The following PDCL variants were observed in gnomAD, a reference collection of about 807,000 sequenced individuals.
PDCL encodes phosducin-like protein.
In PDCL, 11 loss-of-function variants were observed where a neutral mutation model predicts 26.7. The observed-to-expected ratio is 0.41, with a 90% CI of 0.26 to 0.68. The LOEUF is 0.68. Among genes scored for constraint, PDCL ranks in the 30% least tolerant of loss-of-function variants. The pLI is 0.30. For missense variants in PDCL, 330 were observed against 371.6 expected (o/e 0.89, Z 0.92); for synonymous variants, 118 against 134.9 (o/e 0.87, Z 0.87).
chr9:122,826,473 T>C (rs943997059), intron 2 of PDCL, 143 bp downstream of exon 2: 2 of 642,542 alleles, frequency 3.1e-6, no homozygotes, highest in African/African-American at 1.8e-5. Flanking sequence ...GAAGCACACA[T>C]AATGAAAAGA....
intron 2 of PDCL, among the ~76,000 whole-genome samples, chr9:122,825,257 G>A (rs1407342126): frequency 6.6e-6 from 1 of 152,050 alleles, no homozygotes; most frequent in Non-Finnish European, 1.5e-5. Flanking sequence ...TGCCTCCGGG[G>A]TTCAAGCAAT....
chr9:122,822,052 TG>T (rs1428594517), intron 3 of PDCL, among the ~76,000 whole-genome samples: 1 of 152,176 alleles, frequency 6.6e-6, no homozygotes, highest in African/African-American at 2.4e-5. Flanking sequence ...TCTGACCTAT[TG>T]AAGTCTTTGG....
chr9:122,822,509 C>T (rs926594132), intron 3 of PDCL, among the ~76,000 whole-genome samples: 6 of 151,950 alleles, frequency 3.9e-5, no homozygotes, highest in African/African-American at 1.5e-4. Context: ...GATGAAATAG[C>T]AACATCATGG....
chr9:122,825,623 A>G (rs1829614540), intron 2 of PDCL, among the ~76,000 whole-genome samples: 1 of 152,206 alleles, frequency 6.6e-6, no homozygotes, highest in Non-Finnish European at 1.5e-5. Context: ...AAGTCAAAAG[A>G]CAACAACAAA....
At position 122,820,119 on chromosome 9, in the gene PDCL, C is replaced by G; in HGVS notation, c.872G>C (p.Cys291Ser). 1 of 1,612,426 alleles carries G rather than the reference C, an allele frequency of 6.2e-7. No homozygotes were observed. Among genetic ancestry groups the G allele is most frequent in the Non-Finnish European group, 8.5e-7 (1 of 1,179,154 alleles). ...TTCCAGGTCGCTATCCTCACTGTGA[C>G]ACGTGGCAGAGTTACGCACAGATGT... Reference protein sequence around the residue: ...VLTSVRNSATCHSEDSDLEID With the variant: ...VLTSVRNSATSHSEDSDLEID Residue 291 changes from cysteine (C) to serine (S), a missense_variant, in exon 4 of 4, where the codon TGT becomes TCT. Transcript: ENST00000259467.
intron 2 of PDCL, among the ~76,000 whole-genome samples, chr9:122,824,021 C>T (rs937779060): frequency 7.9e-5 from 12 of 152,146 alleles, no homozygotes; most frequent in African/African-American, 2.4e-4. Flanking sequence ...CCGCCCGCCT[C>T]GGCCTCCCAA....
intron 3 of PDCL, among the ~76,000 whole-genome samples, chr9:122,821,001 A>G (rs1325974666): frequency 6.6e-6 from 1 of 151,880 alleles, no homozygotes; most frequent in Non-Finnish European, 1.5e-5. Context: ...CTGTCTCCAA[A>G]AAAATAAAAA....
intron 2 of PDCL, 50 bp from the exon 3 acceptor site, chr9:122,823,247 T>C (rs770128148): frequency 2.5e-6 from 4 of 1,575,730 alleles, no homozygotes; most frequent in South Asian, 2.2e-5. Context: ...CAGGGAATTA[T>C]GGACCAGCTG....
chr9:122,826,514 T>TA (rs1829630241), intron 2 of PDCL, 102 bp downstream of exon 2: 1 of 1,072,180 alleles, frequency 9.3e-7, no homozygotes, highest in Non-Finnish European at 1.3e-6. Flanking sequence ...GGACCAGAGT[T>TA]AAAAGTGATC....
At position 122,821,626 on chromosome 9, in the gene PDCL, C is replaced by T. The variant is rs552830426; in HGVS notation, c.355-990G>A. On this transcript the variant is annotated intron_variant, in intron 3 of 3. Transcript: ENST00000259467. ...TGTGTCACTTTGCTTAATCACTTCCCTAATTCTGCCAGACAGTTTCCAATT... is the reference window on the plus strand; with the variant it reads ...TGTGTCACTTTGCTTAATCACTTCCTTAATTCTGCCAGACAGTTTCCAATT... Among the ~76,000 whole-genome samples the T allele has an allele frequency of 3.3e-5, 5 of 152,184 alleles. No individual in the cohort carries two copies. In the East Asian group the frequency reaches 5.8e-4, roughly 18 times the overall value.
At chr9:122,826,212 C>T (rs1829626646) in intron 2 of PDCL, among the ~76,000 whole-genome samples, 1 of 152,154 alleles carries the variant, frequency 6.6e-6, no homozygotes, top group African/African-American at 2.4e-5. Context: ...GTCAAGTGTA[C>T]GGAGAAACAC....
chr9:122,824,834 G>A (rs1253400866), intron 2 of PDCL, among the ~76,000 whole-genome samples: 1 of 152,190 alleles, frequency 6.6e-6, no homozygotes, highest in African/African-American at 2.4e-5. Context: ...TAATTGAAGA[G>A]GGTCTAGCCT....
chr9:122,825,268 TCTC>T (rs879372254), intron 2 of PDCL, among the ~76,000 whole-genome samples: 2 of 152,050 alleles, frequency 1.3e-5, no homozygotes, highest in African/African-American at 2.4e-5. Context: ...TTCAAGCAAT[TCTC>T]CTTCCTCAGC....
chr9:122,825,263 G>A (rs148347644), intron 2 of PDCL, among the ~76,000 whole-genome samples: 1 of 151,908 alleles, frequency 6.6e-6, no homozygotes, highest in Non-Finnish European at 1.5e-5. Context: ...CGGGGTTCAA[G>A]CAATTCTCCT....
rs1421502930 is a variant in PDCL at position 122,822,617 on chromosome 9, C to G, written c.354+399G>C. 1.4e-4 allele frequency among the ~76,000 whole-genome samples: 22 copies of G among 152,146 alleles called. 1 individual carries two copies. ...CTCTAATGCCCTCTAAGCATTGCTT[C>G]CATTATCTGTAAGAAGGGGATAATA... On this transcript the variant is annotated intron_variant, in intron 3 of 3. Coordinates refer to ENST00000259467, the MANE Select transcript of PDCL (RefSeq NM_005388.5).
rs890754042 is a variant in PDCL, at chr9:122,818,775, T to C, written c.*1310A>G. On this transcript the variant is annotated 3_prime_UTR_variant, in exon 4 of 4. Coordinates refer to ENST00000259467, the MANE Select transcript of PDCL (RefSeq NM_005388.5). ...AAACGCAAATGATAATTATTATAAA[T>C]ACATAGAAAAAAAGGCTATAAAAAT... is the stretch of plus-strand genomic sequence containing the variant. 6.6e-6 allele frequency: 1 copy of C among 151,826 alleles called. No individual in the cohort carries two copies. The highest frequency in any genetic ancestry group is 2.4e-5 in the African/African-American group (1 of 41,362). 9.4% of individuals were successfully genotyped at this position (151,826 alleles called of 1,614,324 possible).
Position 122,818,293 on chromosome 9 carries a change from T to A in PDCL, c.*1792A>T, listed in dbSNP as rs570471783. 1.3e-5 allele frequency: 2 copies of A among 151,814 alleles called. No individual in the cohort carries two copies. Among genetic ancestry groups the A allele is most frequent in the Non-Finnish European group, 2.9e-5 (2 of 67,956 alleles). 9.4% of individuals were successfully genotyped at this position (151,814 alleles called of 1,614,324 possible). The stretch of plus-strand genomic sequence containing the variant: ...AAAGAAAACAAACAAAATAAATAAA[T>A]AAAAATAAAGAGACTGGTTAAATAA... On this transcript the variant is annotated 3_prime_UTR_variant, in exon 4 of 4. Coordinates refer to ENST00000259467, the MANE Select transcript of PDCL (RefSeq NM_005388.5).
At chr9:122,820,712 G>T in intron 3 of PDCL, 76 bp from the exon 4 acceptor site, 1 of 1,248,208 alleles carries the variant, frequency 8.0e-7, no homozygotes, top group Non-Finnish European at 1.1e-6. Flanking sequence ...GGCCGGGCGC[G>T]GTGGCTCACG....
chr9:122,819,832 G>C lies in PDCL; in HGVS notation c.*253C>G. ...TAAATATTGACTGGAAACAATAACA[G>C]AGATGTCACACCACAGAATCTTAAG... is the stretch of plus-strand genomic sequence containing the variant. On this transcript the variant is annotated 3_prime_UTR_variant, in exon 4 of 4. Transcript: ENST00000259467. 5.8e-6 allele frequency: 2 copies of C among 347,082 alleles called. No homozygotes were observed. Among genetic ancestry groups the C allele is most frequent in the Non-Finnish European group, 1.0e-5 (2 of 193,894 alleles). The allele number at this position is 347,082 out of a possible 1,614,324, so 21.5% of individuals were successfully genotyped here.
Sources: allele counts gnomAD v4.1 joint callset (sites outside exome capture counted in the v4.1 genomes callset), GRCh38; gene constraint gnomAD v4.1.1; transcripts MANE v1.5; gene names NCBI Gene and HGNC (gene_info 2026-07-23, HGNC 2026-07-21).